VPS13B: variants seen among roughly 807,000 people sequenced by gnomAD.
VPS13B encodes the protein intermembrane lipid transfer protein VPS13B.
A neutral mutation model predicts 426.4 loss-of-function variants in VPS13B; 285 were observed. The ratio of observed to expected loss-of-function variants is 0.67; its 90% CI spans 0.61 to 0.74. The LOEUF (loss-of-function observed/expected upper bound fraction) is 0.74. Among genes scored for constraint, VPS13B ranks in the 30% least tolerant of loss-of-function variants. The pLI, the probability that VPS13B is intolerant of heterozygous loss-of-function variation, is 0.00. For synonymous variants in VPS13B, 1,676 were observed against 1,676.4 expected, an observed-to-expected ratio of 1.00 and a Z score of 0.01; for missense variants, 4,537 against 4,782.6, an observed-to-expected ratio of 0.95 and a Z score of 1.51.
chr8:99,234,460 T>G (rs977481785), intron 17 of VPS13B: 2 of 604,350 alleles, frequency 3.3e-6, no homozygotes, highest in Non-Finnish European at 6.5e-6. Context: ...CCACTTTACC[T>G]TGGCCTCGCC....
At chr8:99,285,564 A>G (rs1225068431) in intron 19 of VPS13B, among the ~76,000 whole-genome samples, 4 of 152,154 alleles carry the variant, frequency 2.6e-5, no homozygotes, top group Non-Finnish European at 2.9e-5. Context: ...ATATGGATCA[A>G]AAAGGTACCA....
At chr8:99,055,486 A>G (rs1459308524) in intron 3 of VPS13B, among the ~76,000 whole-genome samples, 1 of 152,222 alleles carries the variant, frequency 6.6e-6, no homozygotes, top group Non-Finnish European at 1.5e-5. Context: ...TAGTATTAGC[A>G]TCTTAACGAT....
chr8:99,716,372 G>A lies in VPS13B; in HGVS notation c.6455-799G>A, dbSNP rs1407425009. ...AAAATAAGCCATGGGCATTACAAACGTGGTCTGGTGAAATTCAATATTCAC... is the reference window on the plus strand; with the variant it reads ...AAAATAAGCCATGGGCATTACAAACATGGTCTGGTGAAATTCAATATTCAC... On this transcript the variant is annotated intron_variant, in intron 36 of 61. Transcript: ENST00000357162. 3.9e-5 allele frequency among the ~76,000 whole-genome samples: 6 copies of A among 152,154 alleles called. 1 individual carries two copies. Among genetic ancestry groups the A allele is most frequent in the African/African-American group, 1.2e-4 (5 of 41,532 alleles).
chr8:99,373,169 G>A (rs1295493709), intron 19 of VPS13B, among the ~76,000 whole-genome samples: 2 of 152,010 alleles, frequency 1.3e-5, no homozygotes, highest in African/African-American at 4.8e-5. Flanking sequence ...TTGGGAGGTG[G>A]GGGGCAATGG....
chr8:99,543,241 G>T (rs972688297), intron 30 of VPS13B, among the ~76,000 whole-genome samples: 1 of 152,140 alleles, frequency 6.6e-6, no homozygotes, highest in Non-Finnish European at 1.5e-5. Context: ...AATGGTGCTG[G>T]GAAAACTGGC....
At chr8:99,412,618 G>C (rs1304386195) in intron 21 of VPS13B, among the ~76,000 whole-genome samples, 1 of 152,176 alleles carries the variant, frequency 6.6e-6, no homozygotes, top group African/African-American at 2.4e-5. Flanking sequence ...TGGAATAGGA[G>C]TGGTAAGAGT....
intron 7 of VPS13B, among the ~76,000 whole-genome samples, chr8:99,116,202 T>G (rs1044583714): frequency 8.1e-4 from 11 of 13,608 alleles, no homozygotes; most frequent in African/African-American, 1.4e-3. Context: ...TAATTTTGTA[T>G]TTTTTTTTTT....
intron 23 of VPS13B, among the ~76,000 whole-genome samples, chr8:99,449,282 T>G (rs1818072518): frequency 6.6e-6 from 1 of 152,218 alleles, no homozygotes; most frequent in Admixed American, 6.5e-5. Context: ...TATACATTAT[T>G]TACATAGTTA....
intron 35 of VPS13B, among the ~76,000 whole-genome samples, chr8:99,698,502 G>T (rs974545420): frequency 6.6e-6 from 1 of 152,200 alleles, no homozygotes; most frequent in African/African-American, 2.4e-5. Flanking sequence ...GGTGTCAATA[G>T]ATCTCTCTTC....
At chr8:99,166,065 C>G (rs189182671) in intron 15 of VPS13B, among the ~76,000 whole-genome samples, 1 of 152,110 alleles carries the variant, frequency 6.6e-6, no homozygotes, top group African/African-American at 2.4e-5. Context: ...CTGCAACGTC[C>G]GCCTCCCGGG....
At chr8:99,153,620 T>C (rs1213932521) in intron 14 of VPS13B, among the ~76,000 whole-genome samples, 1 of 152,196 alleles carries the variant, frequency 6.6e-6, no homozygotes, top group Non-Finnish European at 1.5e-5. Context: ...TCTTGTATCA[T>C]TGCTGTAATT....
chr8:99,238,584 G>A (rs1468210392), intron 17 of VPS13B, among the ~76,000 whole-genome samples: 3 of 152,018 alleles, frequency 2.0e-5, no homozygotes, highest in Non-Finnish European at 4.4e-5. Flanking sequence ...ATAAGTTAAA[G>A]GATGTTAGTC....
At chr8:99,628,627 CA>C (rs1347001188) in intron 33 of VPS13B, among the ~76,000 whole-genome samples, 1 of 152,078 alleles carries the variant, frequency 6.6e-6, no homozygotes, top group Non-Finnish European at 1.5e-5. Context: ...ACCACAACAA[CA>C]AAAACTTTAA....
At chr8:99,659,019 G>A (rs886508802) in intron 34 of VPS13B, among the ~76,000 whole-genome samples, 1 of 151,984 alleles carries the variant, frequency 6.6e-6, no homozygotes, top group East Asian at 1.9e-4. Flanking sequence ...TTTTTTTGTA[G>A]AGCTGGGGTT....
chr8:99,333,642 G>T (rs1810663394), intron 19 of VPS13B, among the ~76,000 whole-genome samples: 1 of 151,768 alleles, frequency 6.6e-6, no homozygotes, highest in South Asian at 2.1e-4. Context: ...ACCCTTTTAT[G>T]TCCACATCTA....
intron 5 of VPS13B, among the ~76,000 whole-genome samples, chr8:99,108,594 A>G (rs962135400): frequency 6.6e-6 from 1 of 152,064 alleles, no homozygotes; most frequent in Non-Finnish European, 1.5e-5. Context: ...CTGTAAATGC[A>G]TGGATTCATT....
rs796152209 is a variant in VPS13B at position 99,403,239 on chromosome 8, T to C, written c.3082+11535T>C. ...TGGGGTACCTCTGAACTCACATACT[T>C]AATTCTCTATGATCAAAGAAAAACA... is the stretch of plus-strand genomic sequence containing the variant. On this transcript the variant is annotated intron_variant, in intron 21 of 61. Transcript: ENST00000357162. Among the ~76,000 whole-genome samples, 5 of 152,236 alleles carry C rather than the reference T, an allele frequency of 3.3e-5. 1 individual carries two copies. The highest frequency in any genetic ancestry group is 1.2e-4 in the African/African-American group (5 of 41,550).
At chr8:99,319,925 C>G (rs1241797482) in intron 19 of VPS13B, among the ~76,000 whole-genome samples, 2 of 152,116 alleles carry the variant, frequency 1.3e-5, no homozygotes, top group Middle Eastern at 3.2e-3. Flanking sequence ...GGGACTATAT[C>G]TCTTTTATGC....
At chr8:99,533,343 A>T (rs909379048) in intron 30 of VPS13B, among the ~76,000 whole-genome samples, 10 of 152,204 alleles carry the variant, frequency 6.6e-5, no homozygotes, top group Non-Finnish European at 8.8e-5. Flanking sequence ...CCAAATACAG[A>T]TATTTGCAAG....
Sources: allele counts gnomAD v4.1 joint callset (sites outside exome capture counted in the v4.1 genomes callset), GRCh38; gene constraint gnomAD v4.1.1; transcripts MANE v1.5; gene names NCBI Gene and HGNC (gene_info 2026-07-23, HGNC 2026-07-21).